Variants in FBXL13 observed in about 807,000 individuals in gnomAD.
FBXL13 encodes the protein F-box and leucine-rich repeat protein 13.
Under a neutral mutation model 83.6 loss-of-function variants are expected in FBXL13, and 67 were observed. The observed-to-expected ratio is 0.80, with a 90% confidence interval of 0.66 to 0.98. The LOEUF is 0.98. FBXL13 is among the 50% of genes least tolerant of loss of function. The pLI is 0.00. For missense variants in FBXL13, 822 were observed against 866.5 expected (o/e 0.95, Z 0.64); for synonymous variants, 272 against 299.5 (o/e 0.91, Z 0.95).
intron 18 of FBXL13, among the ~76,000 whole-genome samples, chr7:102,827,319 C>T (rs985412749): frequency 6.6e-6 from 1 of 152,172 alleles, no homozygotes; most frequent in Non-Finnish European, 1.5e-5. Flanking sequence ...ACTGCAGCTC[C>T]TTGGGCAACC....
rs1417383918 is a variant in FBXL13, at chr7:102,867,648, C to A, written c.1635+9819G>T. 3.0e-5 allele frequency among the ~76,000 whole-genome samples: 4 copies of A among 135,144 alleles called. No individual in the cohort carries two copies. In the Admixed American group the frequency reaches 3.2e-4, roughly 11 times the overall value. 88.7% of individuals were successfully genotyped at this position (135,144 alleles called of 152,430 possible). ...GTGGAGTCCCCAAGGAACTCTGAGC[C>A]AGGGAGTGATAGACTTAGACATATA... On this transcript the variant is annotated intron_variant, in intron 16 of 19. Coordinates refer to ENST00000313221, the Ensembl canonical transcript of FBXL13.
intron 18 of FBXL13, chr7:102,827,224 G>A (rs73406250): frequency 0.2 from 85,677 of 439,252 alleles, 10,120 homozygotes; most frequent in East Asian, 0.43. Context: ...GGATGAGACC[G>A]CATGAAGCAG....
intron 6 of FBXL13, chr7:102,988,066 A>C (rs1829177756): frequency 6.6e-6 from 1 of 152,276 alleles, no homozygotes; most frequent in South Asian, 2.1e-4. Flanking sequence ...ACAGAGAAAC[A>C]ATGACAGAGT....
In FBXL13 at chr7:102,929,397, C is replaced by T. The variant is rs191206361; in HGVS notation, c.777+2484G>A. Among the ~76,000 whole-genome samples, 188 of 152,290 alleles carry T rather than the reference C, an allele frequency of 1.2e-3. 3 individuals are homozygous for T. Among genetic ancestry groups the T allele is most frequent in the Admixed American group, 6.9e-3 (105 of 15,292 alleles). On this transcript the variant is annotated intron_variant, in intron 9 of 19. Coordinates refer to ENST00000313221, the Ensembl canonical transcript of FBXL13. ...ATTCTGTCAGCTGGGTGCGGTGTCTCACGCCTGTAATCCCAGCACTTTGGG... is the reference window on the plus strand; with the variant it reads ...ATTCTGTCAGCTGGGTGCGGTGTCTTACGCCTGTAATCCCAGCACTTTGGG...
intron 2 of FBXL13, among the ~76,000 whole-genome samples, chr7:103,049,616 C>A (rs547256406): frequency 6.6e-6 from 1 of 152,174 alleles, no homozygotes; most frequent in African/African-American, 2.4e-5. Flanking sequence ...GTGGAGTCCT[C>A]GCAAGAACAG....
chr7:102,977,874 A>G (rs913189964), intron 6 of FBXL13, among the ~76,000 whole-genome samples: 5 of 151,810 alleles, frequency 3.3e-5, no homozygotes, highest in Non-Finnish European at 7.4e-5. Context: ...GCATATTCTC[A>G]CTCATAGGTG....
At chr7:102,833,684 A>G (rs1801151571) in intron 17 of FBXL13, among the ~76,000 whole-genome samples, 2 of 151,602 alleles carry the variant, frequency 1.3e-5, no homozygotes, top group Admixed American at 1.3e-4. Context: ...CACCCTCCCA[A>G]AGTGCTGGGA....
intron 2 of FBXL13, among the ~76,000 whole-genome samples, chr7:103,034,422 G>A (rs1160535040): frequency 6.6e-6 from 1 of 152,242 alleles, no homozygotes; most frequent in African/African-American, 2.4e-5. Context: ...GCGAGAAATT[G>A]AGCACAGCAG....
intron 6 of FBXL13, among the ~76,000 whole-genome samples, chr7:102,997,078 C>G (rs575944271): frequency 5.2e-4 from 79 of 152,256 alleles, no homozygotes; most frequent in African/African-American, 1.8e-3. Flanking sequence ...TTTTCCAAAA[C>G]CTTATCCCTT....
At chr7:103,013,834 C>T (rs1791929716) in intron 6 of FBXL13, among the ~76,000 whole-genome samples, 1 of 151,638 alleles carries the variant, frequency 6.6e-6, no homozygotes, top group Admixed American at 6.6e-5. Flanking sequence ...ATACAAAAAT[C>T]AATAAATCCA....
At chr7:102,876,115 G>A (rs1268661823) in intron 16 of FBXL13, among the ~76,000 whole-genome samples, 11 of 152,174 alleles carry the variant, frequency 7.2e-5, no homozygotes, top group Admixed American at 5.9e-4. Flanking sequence ...TCCAGCAGGT[G>A]TCTAGGACTG....
At chr7:102,826,460 G>A (rs1275204862) in intron 18 of FBXL13, among the ~76,000 whole-genome samples, 2 of 151,878 alleles carry the variant, frequency 1.3e-5, no homozygotes, top group Non-Finnish European at 2.9e-5. Context: ...TATAAGCTGA[G>A]CGTGGTGGCT....
In FBXL13 at chr7:103,023,048, G is replaced by A. The variant is rs531196814; in HGVS notation, c.495+2015C>T. ...TCCCAGCACTTTGGGAGGCCGAGGC[G>A]GGTGGATCACGAGGTCAGGAGATCG... On this transcript the variant is annotated intron_variant, in intron 6 of 19. Coordinates refer to ENST00000313221, the Ensembl canonical transcript of FBXL13. Among the ~76,000 whole-genome samples, 751 of 152,188 alleles carry A rather than the reference G, an allele frequency of 4.9e-3. 3 individuals are homozygous for A. Among genetic ancestry groups the A allele is most frequent in the African/African-American group, 0.017 (708 of 41,536 alleles).
intron 6 of FBXL13, among the ~76,000 whole-genome samples, chr7:102,970,309 GT>G: frequency 6.6e-6 from 1 of 151,948 alleles, no homozygotes; most frequent in Non-Finnish European, 1.5e-5. Context: ...ACCATTTTTG[GT>G]TTGGGTTAAA....
intron 6 of FBXL13, among the ~76,000 whole-genome samples, chr7:102,974,374 A>G (rs1827180203): frequency 6.6e-6 from 1 of 152,150 alleles, no homozygotes; most frequent in African/African-American, 2.4e-5. Flanking sequence ...TGGGCGACAG[A>G]GTGAGAGTCC....
chr7:103,003,286 T>TTG (rs1001892685), intron 6 of FBXL13, among the ~76,000 whole-genome samples: 1 of 117,978 alleles, frequency 8.5e-6, no homozygotes, highest in Non-Finnish European at 1.8e-5. Context: ...GGGTTTTTTT[T>TTG]TTTTTTTTTT....
At chr7:102,920,830 G>T (rs972504193) in intron 10 of FBXL13, among the ~76,000 whole-genome samples, 1 of 152,148 alleles carries the variant, frequency 6.6e-6, no homozygotes, top group African/African-American at 2.4e-5. Flanking sequence ...ACAAGCAAAA[G>T]AAAACAAAGG....
At chr7:103,004,378 A>T (rs1790752532) in intron 6 of FBXL13, among the ~76,000 whole-genome samples, 1 of 152,176 alleles carries the variant, frequency 6.6e-6, no homozygotes, top group Non-Finnish European at 1.5e-5. Flanking sequence ...CAACTGTGTG[A>T]GAAGAACACT....
At chr7:102,976,602 T>C (rs1554488309) in intron 6 of FBXL13, among the ~76,000 whole-genome samples, 4 of 152,026 alleles carry the variant, frequency 2.6e-5, no homozygotes, top group Non-Finnish European at 4.4e-5. Context: ...TTAGCCCCCC[T>C]GTTTGGGGTA....
Sources: allele counts gnomAD v4.1 joint callset (sites outside exome capture counted in the v4.1 genomes callset), GRCh38; gene constraint gnomAD v4.1.1; transcripts MANE v1.5; gene names NCBI Gene and HGNC (gene_info 2026-07-23, HGNC 2026-07-21).